Variants in CDH13 observed in about 807,000 individuals in gnomAD.
The protein encoded by CDH13 is cadherin-13.
A neutral mutation model predicts 63.8 loss-of-function variants in CDH13; 24 were observed. The ratio of observed to expected loss-of-function variants is 0.38; its 90% confidence interval spans 0.27 to 0.53. CDH13 has a LOEUF of 0.53. Ranked by LOEUF, CDH13 falls within the 20% of genes least tolerant of loss-of-function variation. The pLI is 0.85. For missense variants in CDH13, 1,049 were observed against 903.1 expected (o/e 1.16, Z -2.07); for synonymous variants, 503 against 355.3 (o/e 1.42, Z -4.67).
chr16:83,037,008 A>T (rs1433551906), intron 3 of CDH13, among the ~76,000 whole-genome samples: 1 of 152,178 alleles, frequency 6.6e-6, no homozygotes, highest in Non-Finnish European at 1.5e-5. Context: ...GGGATTCTAG[A>T]TTGATATGAC....
chr16:83,745,254 G>A (rs1434540056), intron 10 of CDH13, among the ~76,000 whole-genome samples: 6 of 152,178 alleles, frequency 3.9e-5, no homozygotes, highest in Admixed American at 6.5e-5. Flanking sequence ...GCATCAGCAG[G>A]AGCCTCTCCT....
chr16:83,509,086 T>A (rs939357437), intron 7 of CDH13, among the ~76,000 whole-genome samples: 1 of 152,192 alleles, frequency 6.6e-6, no homozygotes, highest in Non-Finnish European at 1.5e-5. Context: ...GTTTCCATAA[T>A]CCCTCTACTC....
At chr16:83,208,819 G>A (rs745440731) in intron 4 of CDH13, among the ~76,000 whole-genome samples, 29 of 152,122 alleles carry the variant, frequency 1.9e-4, no homozygotes, top group African/African-American at 4.8e-4. Context: ...AAAACTAGGC[G>A]CATCAATCTG....
intron 5 of CDH13, among the ~76,000 whole-genome samples, chr16:83,267,881 C>T (rs992784916): frequency 3.3e-5 from 5 of 152,198 alleles, no homozygotes; most frequent in Admixed American, 2.0e-4. Flanking sequence ...AGTTCCCATG[C>T]CCCACACATG....
Position 83,047,925 on chromosome 16 carries a change from G to A in CDH13, c.366+15707G>A, listed in dbSNP as rs764736132. Among the ~76,000 whole-genome samples, 2 of 152,068 alleles carry A rather than the reference G, an allele frequency of 1.3e-5. No individual in the cohort carries two copies. Among genetic ancestry groups the A allele is most frequent in the Non-Finnish European group, 2.9e-5 (2 of 68,018 alleles). On this transcript the variant is annotated intron_variant, in intron 3 of 13. Transcript: ENST00000567109. This position sits in a 1 kb window ranked among gnomAD's most constrained non-coding sequence, Gnocchi z 4.9. ...GGAGACTATGTGTGACCAGCACAGG[G>A]TCATACATCTAGAATATTTTGGAGA...
chr16:83,592,565 A>T (rs1906861074), intron 7 of CDH13, among the ~76,000 whole-genome samples: 1 of 152,154 alleles, frequency 6.6e-6, no homozygotes, highest in South Asian at 2.1e-4. Flanking sequence ...GCAGCAGAAG[A>T]TGCACACATT....
intron 6 of CDH13, among the ~76,000 whole-genome samples, chr16:83,406,952 A>G (rs1210450150): frequency 2.0e-5 from 3 of 152,238 alleles, no homozygotes; most frequent in African/African-American, 7.2e-5. Context: ...GTTTATGACT[A>G]TTACATCATA....
intron 7 of CDH13, among the ~76,000 whole-genome samples, chr16:83,565,228 T>A (rs1417451818): frequency 6.6e-6 from 1 of 152,062 alleles, no homozygotes; most frequent in East Asian, 1.9e-4. Flanking sequence ...CTGGCTATAA[T>A]TGCCCTCATA....
intron 6 of CDH13, among the ~76,000 whole-genome samples, chr16:83,352,914 T>C (rs933285040): frequency 1.3e-5 from 2 of 152,100 alleles, no homozygotes; most frequent in Non-Finnish European, 2.9e-5. Context: ...ATAAATAAAG[T>C]ATAAAATCAT....
At chr16:82,731,016 G>C (rs968062534) in intron 1 of CDH13, among the ~76,000 whole-genome samples, 1 of 152,108 alleles carries the variant, frequency 6.6e-6, no homozygotes, top group African/African-American at 2.4e-5. Context: ...ATTTATGTAT[G>C]GTGAAATCTA....
chr16:83,363,855 G>A (rs993822181), intron 6 of CDH13, among the ~76,000 whole-genome samples: 5 of 152,120 alleles, frequency 3.3e-5, no homozygotes, highest in Non-Finnish European at 5.9e-5. Flanking sequence ...AAAATGGCCC[G>A]AGAGCAAGAC....
At chr16:82,751,509 C>G (rs1169651966) in intron 1 of CDH13, among the ~76,000 whole-genome samples, 1 of 152,230 alleles carries the variant, frequency 6.6e-6, no homozygotes, top group African/African-American at 2.4e-5. Context: ...TTGCAACTAG[C>G]ATGGACCAGA....
At chr16:82,849,169 G>T (rs1285584261) in intron 1 of CDH13, among the ~76,000 whole-genome samples, 1 of 152,194 alleles carries the variant, frequency 6.6e-6, no homozygotes, top group Non-Finnish European at 1.5e-5. Flanking sequence ...AGAGGTTAGT[G>T]TGTGACATTT....
At chr16:83,443,953 G>C (rs2072581448) in intron 6 of CDH13, among the ~76,000 whole-genome samples, 1 of 149,522 alleles carries the variant, frequency 6.7e-6, no homozygotes, top group African/African-American at 2.4e-5. Context: ...AAAAATCAAT[G>C]GTACCTCCTA....
intron 2 of CDH13, among the ~76,000 whole-genome samples, chr16:83,010,665 GC>G (rs1348372986): frequency 1.3e-5 from 2 of 152,090 alleles, no homozygotes; most frequent in African/African-American, 4.8e-5. Flanking sequence ...TGCAAACAGG[GC>G]TGATGAAGTC....
intron 10 of CDH13, among the ~76,000 whole-genome samples, chr16:83,723,706 A>T (rs34601058): frequency 6.6e-6 from 1 of 152,106 alleles, no homozygotes; most frequent in African/African-American, 2.4e-5. Context: ...TATTTTTATG[A>T]TCTCCCTTCC....
At chr16:83,530,660 A>G (rs1489271387) in intron 7 of CDH13, among the ~76,000 whole-genome samples, 1 of 152,198 alleles carries the variant, frequency 6.6e-6, no homozygotes, top group Non-Finnish European at 1.5e-5. Context: ...AACCACACAC[A>G]CAAGGCTGCA....
At position 82,896,770 on chromosome 16, in the gene CDH13, C is replaced by CTTTTTT. The variant is rs71382855; in HGVS notation, c.157+38320_157+38325dup. On this transcript the variant is annotated intron_variant, in intron 2 of 13. Transcript: ENST00000567109. ...AATTATTTTAGACTGCTGTGCAATT[C>CTTTTTT]TTTTTTTTTTTTTTTTTTTTTTTTT... Among the ~76,000 whole-genome samples, 27 of 55,558 alleles carry CTTTTTT rather than the reference C, an allele frequency of 4.9e-4. 3 individuals carry two copies. Among genetic ancestry groups the CTTTTTT allele is most frequent in the African/African-American group, 1.9e-3 (24 of 12,322 alleles). 36.4% of individuals were successfully genotyped at this position (55,558 alleles called of 152,430 possible). A position where few individuals can be genotyped will look rare whatever the true frequency, so the allele number is the denominator to read the frequency against.
At chr16:82,925,344 T>C (rs377234461) in intron 2 of CDH13, among the ~76,000 whole-genome samples, 11 of 152,126 alleles carry the variant, frequency 7.2e-5, no homozygotes, top group Admixed American at 3.3e-4. Flanking sequence ...GCCAGTTGAG[T>C]GTGGAGGCCC....
Sources: allele counts gnomAD v4.1 joint callset (sites outside exome capture counted in the v4.1 genomes callset), GRCh38; gene constraint gnomAD v4.1.1; non-coding constraint Gnocchi (gnomAD v3.1); transcripts MANE v1.5; gene names NCBI Gene and HGNC (gene_info 2026-07-23, HGNC 2026-07-21).